SMG6: variants seen among roughly 807,000 people sequenced by gnomAD.
SMG6 encodes the protein telomerase-binding protein EST1A.
SMG6 carries 66 observed loss-of-function variants against 142.2 expected under a neutral mutation model. The observed-to-expected ratio is 0.46, with a 90% CI of 0.38 to 0.57. The LOEUF (loss-of-function observed/expected upper bound fraction) is 0.57, where lower values mean the gene tolerates loss of function less well. Among genes scored for constraint, SMG6 ranks in the 20% least tolerant of loss-of-function variants. The pLI is 0.00. For synonymous variants in SMG6, 779 were observed against 702.4 expected (o/e 1.11, Z -1.72); for missense variants, 1,793 against 1,832.0 (o/e 0.98, Z 0.39).
intron 13 of SMG6, among the ~76,000 whole-genome samples, chr17:2,144,467 TAAG>T (rs1271232771): frequency 6.6e-6 from 1 of 152,080 alleles, no homozygotes; most frequent in African/African-American, 2.4e-5. Flanking sequence ...TTGACTTCCC[TAAG>T]TAGTGGGTTT....
At chr17:2,175,020 G>A (rs2071615650) in intron 12 of SMG6, among the ~76,000 whole-genome samples, 1 of 152,192 alleles carries the variant, frequency 6.6e-6, no homozygotes, top group Non-Finnish European at 1.5e-5. Context: ...ACAAGCACCG[G>A]ATGTGATAGG....
chr17:2,179,161 G>A (rs1330991093), intron 12 of SMG6, among the ~76,000 whole-genome samples: 1 of 152,142 alleles, frequency 6.6e-6, no homozygotes, highest in African/African-American at 2.4e-5. Flanking sequence ...GCCCCAACCC[G>A]GAGCCAGGGA....
intron 10 of SMG6, among the ~76,000 whole-genome samples, chr17:2,211,879 A>G (rs2072876154): frequency 6.6e-6 from 1 of 151,520 alleles, no homozygotes; most frequent in Non-Finnish European, 1.5e-5. Context: ...TCTCGCTCCA[A>G]CTCTTCCTGC....
Position 2,169,098 on chromosome 17 carries a change from C to G in SMG6, c.3357+3560G>C, listed in dbSNP as rs936059397. Reference sequence around the variant, plus strand: ...GGCATGGTGGCACATGCCTATAGTCCCAGCTACTCAAAATACAAAAAATTT... The same window carrying G: ...GGCATGGTGGCACATGCCTATAGTCGCAGCTACTCAAAATACAAAAAATTT... On this transcript the variant is annotated intron_variant, in intron 13 of 18. Transcript: ENST00000263073. Among the ~76,000 whole-genome samples the G allele has an allele frequency of 1.6e-4, 25 of 151,564 alleles. No individual in the cohort carries two copies. The South Asian group carries it at 5.0e-3, about 30-fold the overall frequency.
At chr17:2,066,338 A>G (rs1597322344) in intron 16 of SMG6, among the ~76,000 whole-genome samples, 1 of 150,194 alleles carries the variant, frequency 6.7e-6, no homozygotes, top group African/African-American at 2.5e-5. Context: ...GTGTATGTGT[A>G]TGCGTGTATG....
chr17:2,179,102 C>A (rs2071731349), intron 12 of SMG6, among the ~76,000 whole-genome samples: 1 of 152,152 alleles, frequency 6.6e-6, no homozygotes, highest in Non-Finnish European at 1.5e-5. Flanking sequence ...GCCCCACACT[C>A]AGCACTTGGA....
rs1229718338 is a variant in SMG6 at position 2,152,770 on chromosome 17, C to T, written c.3357+19888G>A. Among the ~76,000 whole-genome samples, 5 of 152,258 alleles carry T rather than the reference C, an allele frequency of 3.3e-5. No homozygotes were observed. The South Asian group carries it at 6.2e-4, about 19-fold the overall frequency. On this transcript the variant is annotated intron_variant, in intron 13 of 18. Transcript: ENST00000263073. Reference sequence around the variant, plus strand: ...TGTAAAACAGTTTGCTGGTCTCTAGCGAAGTTAAACATACTCTTATCACAT... The same window carrying T: ...TGTAAAACAGTTTGCTGGTCTCTAGTGAAGTTAAACATACTCTTATCACAT...
At chr17:2,210,479 G>C (rs781473785) in intron 10 of SMG6, among the ~76,000 whole-genome samples, 4 of 151,858 alleles carry the variant, frequency 2.6e-5, no homozygotes, top group Non-Finnish European at 5.9e-5. Context: ...AGAACAAAAA[G>C]TTAGAAATGT....
chr17:2,236,573 T>G lies in SMG6; in HGVS notation c.2788A>C (p.Ser930Arg). ...CGGGTACTTCCAATGGGAGAGGGGC[T>G]GTGCTGCAGTAACACCTGGAACTCC... ...LKEFQVLLQHSPSPIGSTRML... is the reference protein window; with the variant it reads ...LKEFQVLLQHRPSPIGSTRML... Residue 930 changes from serine (S) to arginine (R), a missense_variant, in exon 10 of 19, where the codon AGC becomes CGC. Transcript: ENST00000263073. The G allele has an allele frequency of 1.2e-6, 2 of 1,613,858 alleles. No individual in the cohort carries two copies. The highest frequency in any genetic ancestry group is 2.2e-5 in the South Asian group (2 of 91,012).
chr17:2,248,285 G>A lies in SMG6; in HGVS notation c.2662-3566C>T, dbSNP rs568965498. Among the ~76,000 whole-genome samples, 9 of 152,150 alleles carry A rather than the reference G, an allele frequency of 5.9e-5. No individual in the cohort carries two copies. The East Asian group carries it at 7.7e-4, about 13-fold the overall frequency. ...CTTTCTCTTATCCTACACCTATCTC[G>A]GGGAAAAGAACTGGTGAGCTGATTC... On this transcript the variant is annotated intron_variant, in intron 8 of 18. Transcript: ENST00000263073.
At position 2,085,093 on chromosome 17, in the gene SMG6, C is replaced by CGGGT. The variant is rs2068520240; in HGVS notation, c.3534+628_3534+631dup. 6.6e-6 allele frequency among the ~76,000 whole-genome samples: 1 copy of CGGGT among 152,130 alleles called. No individual in the cohort carries two copies. Among genetic ancestry groups the CGGGT allele is most frequent in the African/African-American group, 2.4e-5 (1 of 41,420 alleles). Reference sequence around the variant, plus strand: ...AACTGCCAGTGGACTATTGCAGGGGCGGGTACACAGGCTCATGCATGTGCA... The same window carrying CGGGT: ...AACTGCCAGTGGACTATTGCAGGGGCGGGTGGGTACACAGGCTCATGCATGTGCA... On this transcript the variant is annotated intron_variant, in intron 14 of 18. Coordinates refer to ENST00000263073, the MANE Select transcript of SMG6 (RefSeq NM_017575.5). This position sits in a 1 kb window ranked among gnomAD's most constrained non-coding sequence, Gnocchi z 4.1.
chr17:2,081,936 T>C lies in SMG6; in HGVS notation c.3555A>G (p.Glu1185=), dbSNP rs776457967. Residue 1185 remains glutamate, a synonymous_variant, in exon 15 of 19, where the codon GAA becomes GAG. Transcript: ENST00000263073. ...CAGCCTCTGAATCTTCCTCAAAGTCTTCAATCACCACATCCTCCTCCTTTG... is the reference window on the plus strand; with the variant it reads ...CAGCCTCTGAATCTTCCTCAAAGTCCTCAATCACCACATCCTCCTCCTTTG... The part of the protein sequence containing the change: ...LEDEEEDVVI[E]DFEEDSEAEG... 5 of 1,614,160 alleles carry C rather than the reference T, an allele frequency of 3.1e-6. No individual in the cohort carries two copies. In the Admixed American group the frequency reaches 8.3e-5, roughly 27 times the overall value.
At chr17:2,120,923 C>T (rs2760739) in intron 13 of SMG6, among the ~76,000 whole-genome samples, 53,913 of 151,768 alleles carry the variant, frequency 0.36, 10,247 homozygotes, top group African/African-American at 0.49. Flanking sequence ...GGAAGAAATG[C>T]CTTGGGCCAC....
intron 13 of SMG6, among the ~76,000 whole-genome samples, chr17:2,153,990 C>A (rs1371666361): frequency 8.3e-6 from 1 of 120,350 alleles, no homozygotes; most frequent in Non-Finnish European, 1.7e-5. Flanking sequence ...TAGAGTGTGA[C>A]GGTGACTGGG....
chr17:2,108,071 TTTG>T (rs986528396), intron 13 of SMG6, among the ~76,000 whole-genome samples: 2 of 152,140 alleles, frequency 1.3e-5, no homozygotes, highest in South Asian at 2.1e-4. Context: ...CAGGTTTTTT[TTTG>T]TTTTGTTTTG....
At chr17:2,138,676 AC>A (rs2070381239) in intron 13 of SMG6, among the ~76,000 whole-genome samples, 1 of 152,186 alleles carries the variant, frequency 6.6e-6, no homozygotes, top group South Asian at 2.1e-4. Context: ...ATGGAAACTT[AC>A]CAGCAAGGTC....
intron 14 of SMG6, among the ~76,000 whole-genome samples, chr17:2,084,194 C>A (rs1189140803): frequency 6.6e-6 from 1 of 152,220 alleles, no homozygotes; most frequent in Non-Finnish European, 1.5e-5. Context: ...TGGCTGTGCC[C>A]TCAGCCTGAA....
rs2070903693 is a variant in SMG6 at position 2,153,768 on chromosome 17, CT to C, written c.3357+18889del. ...GGATGCATCTAGAGTGTGACGGTGACTGGGAAACCTGGGGATGCACGTAGAG... is the reference window on the plus strand; with the variant it reads ...GGATGCATCTAGAGTGTGACGGTGACGGGAAACCTGGGGATGCACGTAGAG... On this transcript the variant is annotated intron_variant, in intron 13 of 18. Transcript: ENST00000263073. Among the ~76,000 whole-genome samples, 4 of 103,366 alleles carry C rather than the reference CT, an allele frequency of 3.9e-5. 1 individual carries two copies. The highest frequency in any genetic ancestry group is 1.7e-4 in the African/African-American group (4 of 23,954). 67.8% of individuals were successfully genotyped at this position (103,366 alleles called of 152,430 possible).
intron 8 of SMG6, among the ~76,000 whole-genome samples, chr17:2,251,266 A>AT (rs1043379894): frequency 6.6e-6 from 1 of 151,716 alleles, no homozygotes; most frequent in African/African-American, 2.4e-5. Flanking sequence ...GGATATACAG[A>AT]TTAAAAAAAA....
Sources: gnomAD v4.1 joint callset for allele counts (sites outside exome capture counted in the v4.1 genomes callset) on GRCh38, gnomAD v4.1.1 for gene constraint, Gnocchi (gnomAD v3.1) non-coding constraint, MANE v1.5 for transcripts, NCBI Gene and HGNC (gene_info 2026-07-23, HGNC 2026-07-21) for gene names.